Variants in RAD23A observed in about 807,000 individuals in gnomAD.
The protein encoded by RAD23A is lysine-specific demethylase RAD23A.
Under a neutral mutation model 44.8 loss-of-function variants are expected in RAD23A, and 16 were observed. That is an observed-to-expected ratio of 0.36 (90% CI 0.24 to 0.54). The LOEUF is 0.54. RAD23A is among the 20% of genes least tolerant of loss of function. RAD23A has a pLI of 0.89. For synonymous variants in RAD23A, 217 were observed against 202.9 expected, an observed-to-expected ratio of 1.07 and a Z score of -0.59; for missense variants, 380 against 483.3, an observed-to-expected ratio of 0.79 and a Z score of 2.00.
At chr19:12,946,084 G>GGGGGTTGGGGGGGGGGGGGGGGGGGGGGC in intron 1 of RAD23A, 64 bp downstream of exon 1, 1 of 512,146 alleles carries the variant, frequency 2.0e-6, no homozygotes, top group Non-Finnish European at 3.7e-6. Context: ...TGGGGGCGGG[G>GGGGGTTGGGGGGGGGGGGGGGGGGGGGGC]AGGCTAGAAT....
intron 1 of RAD23A, 33 bp downstream of exon 1, chr19:12,946,053 C>CCGGGGGGGGGGG: frequency 2.5e-6 from 1 of 404,442 alleles, no homozygotes; most frequent in Non-Finnish European, 3.6e-6. Context: ...GGGGCGGGAG[C>CCGGGGGGGGGGG]GACGGGTTTC....
At chr19:12,949,519 C>A in intron 7 of RAD23A, 111 bp downstream of exon 7, 1 of 1,417,892 alleles carries the variant, frequency 7.1e-7, no homozygotes, top group Non-Finnish European at 9.7e-7. Context: ...CAGGACTAAG[C>A]ACATGCTTCC....
At chr19:12,946,055 A>T in intron 1 of RAD23A, 35 bp downstream of exon 1, 2 of 268,066 alleles carry the variant, frequency 7.5e-6, no homozygotes, top group Admixed American at 6.7e-5. Context: ...GGCGGGAGCG[A>T]CGGGTTTCGG....
intron 1 of RAD23A, among the ~76,000 whole-genome samples, chr19:12,946,397 C>T (rs1056442360): frequency 6.6e-6 from 1 of 152,206 alleles, no homozygotes; most frequent in African/African-American, 2.4e-5. Flanking sequence ...GTGGTCGAAT[C>T]TAGGAGTAAT....
chr19:12,948,779 A>G lies in RAD23A; in HGVS notation c.566A>G (p.Asn189Ser). 1 of 1,612,874 alleles carries G rather than the reference A, an allele frequency of 6.2e-7. No homozygotes were observed. The highest frequency in any genetic ancestry group is 8.5e-7 in the Non-Finnish European group (1 of 1,179,752). ...GTGGCCGCCCTGAGAGCCAGCTACA[A>G]CAACCCCCACCGAGCCGTGGAGTAT... ...RVVAALRASY[N>S]NPHRAVEYLL... Residue 189 changes from asparagine to serine, a missense_variant, in exon 5 of 9, where the codon AAC becomes AGC. Physicochemically the swap from Asn to Ser is conservative, Grantham distance 46. Around this residue, in one of 3 missense-constraint regions of RAD23A, gnomAD observed 279 missense variants for 313.7 expected, o/e 0.89. Transcript: ENST00000586534. This position sits in a 1 kb window ranked among gnomAD's most constrained non-coding sequence, Gnocchi z 5.5.
At chr19:12,951,627 G>A (rs1454746457) in intron 7 of RAD23A, among the ~76,000 whole-genome samples, 1 of 152,022 alleles carries the variant, frequency 6.6e-6, no homozygotes, top group Non-Finnish European at 1.5e-5. Context: ...TATATTTTTA[G>A]TAGAGATGGG....
chr19:12,950,968 G>A (rs529114530), intron 7 of RAD23A, among the ~76,000 whole-genome samples: 1 of 152,298 alleles, frequency 6.6e-6, no homozygotes, highest in South Asian at 2.1e-4. Flanking sequence ...GGAGGTGGAG[G>A]CAGGAGAATC....
In RAD23A at chr19:12,945,867, G is replaced by GCGGCC; in HGVS notation, c.-80_-79insGCCCG. On this transcript the variant is annotated 5_prime_UTR_variant, in exon 1 of 9. Coordinates refer to ENST00000586534, the MANE Select transcript of RAD23A (RefSeq NM_005053.4). The stretch of plus-strand genomic sequence containing the variant: ...GGAAGTGGTCGGCGCGCGGCGCGGC[G>GCGGCC]CGCCTGGGCGCTAAGATGGCGGCGG... The GCGGCC allele has an allele frequency of 6.8e-7, 1 of 1,476,114 alleles. No individual in the cohort carries two copies. Among genetic ancestry groups the GCGGCC allele is most frequent in the Non-Finnish European group, 9.3e-7 (1 of 1,076,106 alleles). The allele number at this position is 1,476,114 out of a possible 1,614,324, so 91.4% of individuals were successfully genotyped here. A position where few individuals can be genotyped will look rare whatever the true frequency, so the allele number is the denominator to read the frequency against.
In RAD23A at chr19:12,952,807, T is replaced by C; in HGVS notation, c.932T>C (p.Met311Thr). ...VGAIGEEAPQ[M>T]NYIQVTPQEK... ...GCCATAGGAGAGGAGGCCCCGCAGA[T>C]GAACTACATCCAGGTGACGCCGCAG... Residue 311 changes from methionine to threonine, a missense_variant, in exon 8 of 9, where the codon ATG becomes ACG. Physicochemically the swap from Met to Thr is moderately conservative, Grantham distance 81. This residue lies in a region of RAD23A where 279 missense variants were observed against 313.7 expected (regional missense o/e 0.89). Transcript: ENST00000586534. 1 of 1,611,284 alleles carries C rather than the reference T, an allele frequency of 6.2e-7. No homozygotes were observed. The highest frequency in any genetic ancestry group is 8.5e-7 in the Non-Finnish European group (1 of 1,178,774).
At chr19:12,946,707 C>T (rs1971683785) in intron 1 of RAD23A, among the ~76,000 whole-genome samples, 1 of 152,162 alleles carries the variant, frequency 6.6e-6, no homozygotes, top group South Asian at 2.1e-4. Context: ...AAATATTATG[C>T]TGCCTTTTTA....
intron 1 of RAD23A, among the ~76,000 whole-genome samples, chr19:12,947,540 A>G (rs2146032182): frequency 6.6e-6 from 1 of 152,246 alleles, no homozygotes; most frequent in Non-Finnish European, 1.5e-5. Flanking sequence ...CCGAAATTAC[A>G]TTTTCTTCAC....
rs368705370 is a variant in RAD23A, at chr19:12,946,974, A to G, written c.73-874A>G. Among the ~76,000 whole-genome samples the G allele has an allele frequency of 9.2e-5, 14 of 152,298 alleles. No individual in the cohort carries two copies. The East Asian group carries it at 2.3e-3, about 25-fold the overall frequency. ...CCCAGCACTTAGGGAGGCAGAGGGAAGAGGAGCCCTTGAGCCTAGGAATTC... is the reference window on the plus strand; with the variant it reads ...CCCAGCACTTAGGGAGGCAGAGGGAGGAGGAGCCCTTGAGCCTAGGAATTC... On this transcript the variant is annotated intron_variant, in intron 1 of 8. Transcript: ENST00000586534.
intron 1 of RAD23A, among the ~76,000 whole-genome samples, chr19:12,947,587 T>G (rs1329009803): frequency 6.6e-5 from 10 of 152,214 alleles, no homozygotes; most frequent in African/African-American, 2.4e-5. Context: ...GACTTACTTG[T>G]GTTGAGTTTG....
intron 8 of RAD23A, 21 bp downstream of exon 8, chr19:12,952,874 G>T (rs1253525940): frequency 6.2e-7 from 1 of 1,603,548 alleles, no homozygotes; most frequent in East Asian, 2.2e-5. Flanking sequence ...TGGCTGAGGG[G>T]TGACTGCAGG....
rs773026016 is a variant in RAD23A at position 12,949,413 on chromosome 19, G to C, written c.813+5G>C. 123 of 1,611,764 alleles carry C rather than the reference G, an allele frequency of 7.6e-5. No homozygotes were observed. The highest frequency in any genetic ancestry group is 1.0e-4 in the Non-Finnish European group (120 of 1,178,224). On this transcript the variant is annotated splice_donor_5th_base_variant and intron_variant, in intron 7 of 8. Transcript: ENST00000586534. Reference sequence around the variant, plus strand: ...GAGAACCCTCAGCTTTTACAGGTGTGGTCCCAAGGGCAGAGGGAGCTAGGG... The same window carrying C: ...GAGAACCCTCAGCTTTTACAGGTGTCGTCCCAAGGGCAGAGGGAGCTAGGG...
rs45603443 is a variant in RAD23A, at chr19:12,950,006, C to T, written c.813+598C>T. Among the ~76,000 whole-genome samples, 696 of 152,150 alleles carry T rather than the reference C, an allele frequency of 4.6e-3. 5 individuals are homozygous for T. Among genetic ancestry groups the T allele is most frequent in the African/African-American group, 0.016 (678 of 41,484 alleles). On this transcript the variant is annotated intron_variant, in intron 7 of 8. Transcript: ENST00000586534. ...CAGTCCCTTGCCAGCTCCTCCTGGT[C>T]GGTCGTGTTCTTCATCTGCACTCAG...
intron 7 of RAD23A, among the ~76,000 whole-genome samples, chr19:12,952,115 G>C (rs1971828377): frequency 6.6e-6 from 1 of 152,162 alleles, no homozygotes; most frequent in Non-Finnish European, 1.5e-5. Context: ...TAGAGACGGA[G>C]TTTCACCATA....
chr19:12,953,047 T>C lies in RAD23A; in HGVS notation c.1090T>C (p.Ter364ArgextTer20). ...FLLSQNFDDE[*>R] The stretch of plus-strand genomic sequence containing the variant: ...CCTGAGTCAGAACTTTGATGACGAG[T>C]GATGCCAGGAAGCCAGGCCACCGAA... The change falls in exon 9 of 9, where the codon TGA becomes CGA. Residue 364 changes from the stop codon to arginine (R), a stop_lost. Coordinates refer to ENST00000586534, the MANE Select transcript of RAD23A (RefSeq NM_005053.4). The C allele has an allele frequency of 6.2e-7, 1 of 1,613,400 alleles. No individual in the cohort carries two copies. Among genetic ancestry groups the C allele is most frequent in the Non-Finnish European group, 8.5e-7 (1 of 1,179,694 alleles).
Position 12,945,953 on chromosome 19 carries a change from C to T in RAD23A, c.5C>T (p.Ala2Val). The T allele has an allele frequency of 3.1e-6, 5 of 1,608,298 alleles. No homozygotes were observed. Among genetic ancestry groups the T allele is most frequent in the Non-Finnish European group, 4.2e-6 (5 of 1,178,336 alleles). Residue 2 changes from alanine (A) to valine (V), a missense_variant, in exon 1 of 9, where the codon GCC becomes GTC. By Grantham distance (64) the Ala-to-Val change is moderately conservative (BLOSUM62 0). This residue lies in a region of RAD23A where 70 missense variants were observed against 106.0 expected (regional missense o/e 0.66). Transcript: ENST00000586534. ...CCGCGTCGCTCGGGCCCCGCCATGG[C>T]CGTCACCATCACGCTCAAAACGCTG... M[A>V]VTITLKTLQQ...
Sources: gnomAD v4.1 joint callset for allele counts (sites outside exome capture counted in the v4.1 genomes callset) on GRCh38, gnomAD v4.1.1 for gene constraint, gnomAD v4.1.1 regional missense constraint, Gnocchi (gnomAD v3.1) non-coding constraint, MANE v1.5 for transcripts, NCBI Gene and HGNC (gene_info 2026-07-23, HGNC 2026-07-21) for gene names.